Variants in PDGFD observed in about 807,000 individuals in gnomAD.
The protein encoded by PDGFD is platelet derived growth factor D, also known as platelet-derived growth factor D.
PDGFD carries 30 observed loss-of-function variants against 44.7 expected under a neutral mutation model. The ratio of observed to expected loss-of-function variants is 0.67; its 90% CI spans 0.50 to 0.91. The LOEUF (loss-of-function observed/expected upper bound fraction) is 0.91, where lower values mean the gene tolerates loss of function less well. Among genes scored for constraint, PDGFD ranks in the 40% least tolerant of loss-of-function variants. PDGFD has a pLI of 0.00. For missense variants in PDGFD, 445 were observed against 457.8 expected (o/e 0.97, Z 0.25); for synonymous variants, 173 against 168.4 (o/e 1.03, Z -0.21).
chr11:104,032,237 A>G (rs1860139214), intron 1 of PDGFD, among the ~76,000 whole-genome samples: 1 of 152,242 alleles, frequency 6.6e-6, no homozygotes, highest in South Asian at 2.1e-4. Context: ...CTATCCAAAG[A>G]AATACATGTT....
chr11:103,966,854 T>G (rs575432499), intron 3 of PDGFD, among the ~76,000 whole-genome samples: 2 of 152,214 alleles, frequency 1.3e-5, no homozygotes, highest in South Asian at 4.2e-4. Context: ...CCTTGATGCT[T>G]TCACTGACCA....
chr11:103,990,676 G>A (rs1327944269), intron 3 of PDGFD, among the ~76,000 whole-genome samples: 1 of 152,138 alleles, frequency 6.6e-6, no homozygotes, highest in Non-Finnish European at 1.5e-5. Flanking sequence ...GGATATATTT[G>A]AGGGAAAGAA....
At chr11:103,952,879 C>T (rs1188677755) in intron 3 of PDGFD, among the ~76,000 whole-genome samples, 2 of 152,152 alleles carry the variant, frequency 1.3e-5, no homozygotes, top group Non-Finnish European at 2.9e-5. Flanking sequence ...CTCCCTCATT[C>T]TCTGCATTTT....
At chr11:104,043,772 G>A (rs917930681) in intron 1 of PDGFD, among the ~76,000 whole-genome samples, 5 of 152,016 alleles carry the variant, frequency 3.3e-5, no homozygotes, top group African/African-American at 9.7e-5. Context: ...CCATGGGGGA[G>A]GTCATAGATT....
chr11:103,932,292 T>C (rs1388242812), intron 5 of PDGFD, among the ~76,000 whole-genome samples: 1 of 152,170 alleles, frequency 6.6e-6, no homozygotes, highest in Non-Finnish European at 1.5e-5. Flanking sequence ...CAATAAATTA[T>C]ATGAGCTATT....
chr11:104,101,205 A>G (rs1304063636), intron 1 of PDGFD, among the ~76,000 whole-genome samples: 2 of 152,156 alleles, frequency 1.3e-5, no homozygotes, highest in Non-Finnish European at 2.9e-5. Flanking sequence ...AGAAAACCCC[A>G]TTGTCTCAGC....
chr11:104,035,561 C>CTTTTTTTTTT (rs3050598), intron 1 of PDGFD, among the ~76,000 whole-genome samples: 17 of 115,276 alleles, frequency 1.5e-4, no homozygotes, highest in East Asian at 2.6e-4. Context: ...ACTTCTTTTT[C>CTTTTTTTTTT]TTTTTTTTTT....
chr11:103,937,948 T>C (rs1858518826), intron 5 of PDGFD, among the ~76,000 whole-genome samples: 1 of 151,656 alleles, frequency 6.6e-6, no homozygotes, highest in South Asian at 2.1e-4. Flanking sequence ...TAATCCAGTC[T>C]ATCGTTGTTG....
At chr11:103,979,227 T>G (rs1565301097) in intron 3 of PDGFD, among the ~76,000 whole-genome samples, 1 of 152,108 alleles carries the variant, frequency 6.6e-6, no homozygotes, top group Non-Finnish European at 1.5e-5. Context: ...TAGGTTCTGT[T>G]GCTTTTAAAA....
At chr11:103,916,931 C>T (rs1358846491) in intron 6 of PDGFD, among the ~76,000 whole-genome samples, 1 of 152,104 alleles carries the variant, frequency 6.6e-6, no homozygotes, top group Non-Finnish European at 1.5e-5. Flanking sequence ...ACACCAGGTC[C>T]TGTTTGTGGG....
intron 5 of PDGFD, 111 bp from the exon 6 acceptor site, chr11:103,927,237 G>A (rs1040671064): frequency 9.6e-6 from 9 of 934,794 alleles, no homozygotes; most frequent in Admixed American, 6.5e-5. Flanking sequence ...CTTTAATCCT[G>A]GGATTAAATC....
intron 1 of PDGFD, chr11:104,037,059 T>C (rs775088476): frequency 2.5e-6 from 4 of 1,614,206 alleles, no homozygotes; most frequent in Non-Finnish European, 3.4e-6. Context: ...AGAAGGACAA[T>C]GTGGGACCTC....
chr11:103,951,243 A>G (rs915716732), intron 3 of PDGFD, among the ~76,000 whole-genome samples: 4 of 152,226 alleles, frequency 2.6e-5, no homozygotes, highest in African/African-American at 9.6e-5. Context: ...GACATCCCTT[A>G]TAAAAATAAA....
intron 6 of PDGFD, among the ~76,000 whole-genome samples, chr11:103,918,588 ATTGT>A (rs1372635527): frequency 4.6e-5 from 7 of 152,174 alleles, no homozygotes; most frequent in Non-Finnish European, 8.8e-5. Flanking sequence ...TGGTCTTCTG[ATTGT>A]TCAGGGATTT....
intron 3 of PDGFD, among the ~76,000 whole-genome samples, chr11:103,990,412 C>T (rs28651124): frequency 0.046 from 6,963 of 152,290 alleles, 227 homozygotes; most frequent in African/African-American, 0.089. Flanking sequence ...GGGCTCCATA[C>T]TAGTCACTCT....
intron 3 of PDGFD, among the ~76,000 whole-genome samples, chr11:103,975,004 T>A (rs1222595265): frequency 2.6e-5 from 4 of 152,240 alleles, no homozygotes; most frequent in African/African-American, 7.2e-5. Flanking sequence ...TCTTTGGGTA[T>A]ATACCCAGTA....
chr11:104,116,753 G>C (rs1342881581), intron 1 of PDGFD, among the ~76,000 whole-genome samples: 8 of 151,922 alleles, frequency 5.3e-5, no homozygotes, highest in Non-Finnish European at 1.2e-4. Flanking sequence ...AGGGACCCAG[G>C]GGGAGGTAAT....
chr11:104,144,069 C>G (rs1005424505), intron 1 of PDGFD, among the ~76,000 whole-genome samples: 2 of 152,104 alleles, frequency 1.3e-5, no homozygotes, highest in African/African-American at 2.4e-5. Context: ...CTCCAGTGAA[C>G]AGGCTGAAAA....
intron 1 of PDGFD, among the ~76,000 whole-genome samples, chr11:104,017,942 A>G (rs1859884805): frequency 6.6e-6 from 1 of 152,230 alleles, no homozygotes; most frequent in Non-Finnish European, 1.5e-5. Flanking sequence ...AAAATCTACT[A>G]CAGTGACTAC....
Sources: gnomAD v4.1 joint callset for allele counts (sites outside exome capture counted in the v4.1 genomes callset) on GRCh38, gnomAD v4.1.1 for gene constraint, MANE v1.5 for transcripts, NCBI Gene and HGNC (gene_info 2026-07-23, HGNC 2026-07-21) for gene names.